DLGAP2: variants seen among roughly 807,000 people sequenced by gnomAD.
DLGAP2 encodes disks large-associated protein 2.
In DLGAP2, 26 loss-of-function variants were observed where a neutral mutation model predicts 100.3. The observed-to-expected ratio is 0.26, with a 90% confidence interval of 0.19 to 0.36. The LOEUF is 0.36. Ranked by LOEUF, DLGAP2 falls within the 10% of genes least tolerant of loss-of-function variation. The pLI, the probability that DLGAP2 is intolerant of heterozygous loss-of-function variation, is 1.00. For synonymous variants in DLGAP2, 886 were observed against 630.1 expected, an observed-to-expected ratio of 1.41 and a Z score of -6.08; for missense variants, 1,858 against 1,453.2, an observed-to-expected ratio of 1.28 and a Z score of -4.53.
intron 2 of DLGAP2, among the ~76,000 whole-genome samples, chr8:1,211,678 C>T (rs1798107193): frequency 6.6e-6 from 1 of 152,126 alleles, no homozygotes; most frequent in Non-Finnish European, 1.5e-5. Context: ...GAGTTCGAGA[C>T]CAGCCTGACC....
chr8:1,316,360 C>G (rs561887792), intron 3 of DLGAP2, among the ~76,000 whole-genome samples: 33 of 139,564 alleles, frequency 2.4e-4, no homozygotes, highest in Non-Finnish European at 3.5e-4. Flanking sequence ...CAGCGTCTCT[C>G]CAACGGTGGT....
chr8:1,268,888 G>A (rs1243288937), intron 3 of DLGAP2, among the ~76,000 whole-genome samples: 1 of 152,164 alleles, frequency 6.6e-6, no homozygotes, highest in Non-Finnish European at 1.5e-5. Flanking sequence ...AGACCTTCAG[G>A]CTAAGTCGGC....
intron 2 of DLGAP2, among the ~76,000 whole-genome samples, chr8:1,238,506 T>C (rs1373413552): frequency 7.4e-6 from 1 of 134,566 alleles, no homozygotes; most frequent in African/African-American, 2.7e-5. Context: ...TGGCGCCGTG[T>C]CTAGTTCTCT....
At chr8:1,305,098 G>A (rs1315659166) in intron 3 of DLGAP2, among the ~76,000 whole-genome samples, 1 of 152,242 alleles carries the variant, frequency 6.6e-6, no homozygotes, top group Non-Finnish European at 1.5e-5. Flanking sequence ...AAGCACCAGA[G>A]TAGCCTGGGC....
At chr8:970,767 G>C (rs1799992719) in intron 2 of DLGAP2, among the ~76,000 whole-genome samples, 1 of 152,100 alleles carries the variant, frequency 6.6e-6, no homozygotes, top group South Asian at 2.1e-4. Context: ...ATAGAGACTT[G>C]AGCTGCACAA....
At chr8:1,597,013 C>G (rs1796478933) in intron 6 of DLGAP2, among the ~76,000 whole-genome samples, 1 of 152,102 alleles carries the variant, frequency 6.6e-6, no homozygotes, top group African/African-American at 2.4e-5. Flanking sequence ...ATGTTTAAGT[C>G]TTTTATCCAT....
At chr8:1,168,690 T>C (rs1293042659) in intron 2 of DLGAP2, among the ~76,000 whole-genome samples, 10 of 145,318 alleles carry the variant, frequency 6.9e-5, no homozygotes, top group African/African-American at 2.7e-4. Context: ...TTTTGAGAAG[T>C]GTCTGTTCAT....
intron 2 of DLGAP2, among the ~76,000 whole-genome samples, chr8:1,161,874 A>C (rs1455018168): frequency 6.6e-6 from 1 of 152,202 alleles, no homozygotes; most frequent in Non-Finnish European, 1.5e-5. Flanking sequence ...TGCCCTCTGG[A>C]GCACAAGCTC....
chr8:1,570,411 T>A (rs1488456254), intron 6 of DLGAP2, among the ~76,000 whole-genome samples: 2 of 152,268 alleles, frequency 1.3e-5, no homozygotes, highest in Non-Finnish European at 2.9e-5. Context: ...CACATTTAAA[T>A]ATCAGCATTT....
intron 3 of DLGAP2, among the ~76,000 whole-genome samples, chr8:1,286,882 C>G (rs1034015763): frequency 1.2e-4 from 18 of 152,352 alleles, no homozygotes; most frequent in African/African-American, 3.6e-4. Flanking sequence ...AGGAGAAAAC[C>G]AATTCTCAGT....
intron 3 of DLGAP2, among the ~76,000 whole-genome samples, chr8:1,411,636 C>T (rs1279449661): frequency 1.3e-5 from 2 of 152,180 alleles, no homozygotes; most frequent in Non-Finnish European, 2.9e-5. Flanking sequence ...CTGGTTTATC[C>T]TCTCCTTTCC....
At chr8:1,367,466 C>T (rs1802133801) in intron 3 of DLGAP2, among the ~76,000 whole-genome samples, 1 of 152,218 alleles carries the variant, frequency 6.6e-6, no homozygotes, top group Non-Finnish European at 1.5e-5. Context: ...ATTCATAACT[C>T]CCAAGCCCAG....
At chr8:894,892 A>G (rs547058525) in intron 1 of DLGAP2, among the ~76,000 whole-genome samples, 2 of 38,868 alleles carry the variant, frequency 5.1e-5, no homozygotes, top group Non-Finnish European at 1.0e-4. Flanking sequence ...TGGCAGGGGT[A>G]GCGGCCGGCA....
intron 1 of DLGAP2, among the ~76,000 whole-genome samples, chr8:884,107 G>GC (rs1797874752): frequency 6.6e-6 from 1 of 152,126 alleles, no homozygotes; most frequent in Non-Finnish European, 1.5e-5. Flanking sequence ...ACATACATAC[G>GC]CATGTGTCTT....
chr8:1,316,853 C>G (rs914107894), intron 3 of DLGAP2, among the ~76,000 whole-genome samples: 1 of 143,798 alleles, frequency 7.0e-6, no homozygotes, highest in Non-Finnish European at 1.5e-5. Context: ...GTCTCTCCCA[C>G]AGTGGTCTAC....
At chr8:1,532,804 A>G (rs1348649413) in intron 4 of DLGAP2, among the ~76,000 whole-genome samples, 1 of 152,186 alleles carries the variant, frequency 6.6e-6, no homozygotes, top group Non-Finnish European at 1.5e-5. Context: ...GTTATAGTCA[A>G]ATGTTTTGAA....
intron 1 of DLGAP2, among the ~76,000 whole-genome samples, chr8:810,243 C>T (rs762510064): frequency 2.0e-5 from 3 of 152,216 alleles, no homozygotes; most frequent in Non-Finnish European, 4.4e-5. Flanking sequence ...TTAATTCCTC[C>T]AATTTTACTG....
In DLGAP2 at chr8:1,701,062, G is replaced by A. The variant is rs904165059; in HGVS notation, c.2950-126G>A. 5 of 824,570 alleles carry A rather than the reference G, an allele frequency of 6.1e-6. No individual in the cohort carries two copies. In the Admixed American group the frequency reaches 8.9e-5, roughly 15 times the overall value. The allele number at this position is 824,570 out of a possible 1,614,324, so 51.1% of individuals were successfully genotyped here. A position where few individuals can be genotyped will look rare whatever the true frequency, so the allele number is the denominator to read the frequency against. Reference sequence around the variant, plus strand: ...GGACCAGGGCAGACGGGGGACGGGAGTGAAGGATGCGGCCCTGGGGGCTGC... The same window carrying A: ...GGACCAGGGCAGACGGGGGACGGGAATGAAGGATGCGGCCCTGGGGGCTGC... On this transcript the variant is annotated intron_variant, in intron 14 of 14. Coordinates refer to ENST00000637795, the MANE Select transcript of DLGAP2 (RefSeq NM_001346810.2).
chr8:946,160 CT>C (rs1439297724), intron 2 of DLGAP2, among the ~76,000 whole-genome samples: 2 of 152,098 alleles, frequency 1.3e-5, no homozygotes, highest in Admixed American at 1.3e-4. Flanking sequence ...GCGTGACCCC[CT>C]GACTCCCCCA....
Sources: gnomAD v4.1 joint callset for allele counts (sites outside exome capture counted in the v4.1 genomes callset) on GRCh38, gnomAD v4.1.1 for gene constraint, MANE v1.5 for transcripts, NCBI Gene and HGNC (gene_info 2026-07-23, HGNC 2026-07-21) for gene names.